NKAIN2: variants seen among roughly 807,000 people sequenced by gnomAD.
The protein encoded by NKAIN2 is sodium/potassium-transporting ATPase subunit beta-1-interacting protein 2.
Under a neutral mutation model 32.6 loss-of-function variants are expected in NKAIN2, and 14 were observed. The ratio of observed to expected loss-of-function variants is 0.43; its 90% confidence interval spans 0.28 to 0.67. NKAIN2 has a LOEUF of 0.67. NKAIN2 is among the 30% of genes least tolerant of loss of function. NKAIN2 has a pLI of 0.17. For missense variants in NKAIN2, 198 were observed against 258.3 expected, an observed-to-expected ratio of 0.77 and a Z score of 1.60; for synonymous variants, 80 against 87.2, an observed-to-expected ratio of 0.92 and a Z score of 0.46.
At chr6:124,621,595 G>A (rs1034309362) in intron 3 of NKAIN2, among the ~76,000 whole-genome samples, 1 of 152,148 alleles carries the variant, frequency 6.6e-6, no homozygotes, top group Non-Finnish European at 1.5e-5. Context: ...CTCTGCTCAG[G>A]TCAGAGACTG....
chr6:124,004,074 A>G (rs766170142), intron 1 of NKAIN2, among the ~76,000 whole-genome samples: 2 of 152,226 alleles, frequency 1.3e-5, no homozygotes, highest in Non-Finnish European at 2.9e-5. Context: ...AAGTAATAGC[A>G]TGTGCTAATT....
At chr6:124,540,949 T>TC (rs1178137710) in intron 3 of NKAIN2, among the ~76,000 whole-genome samples, 4 of 152,188 alleles carry the variant, frequency 2.6e-5, no homozygotes, top group Non-Finnish European at 5.9e-5. Context: ...GCTTAAAATA[T>TC]CCCCTTTTCA....
intron 1 of NKAIN2, among the ~76,000 whole-genome samples, chr6:124,092,489 A>T (rs986449299): frequency 2.6e-5 from 4 of 152,066 alleles, no homozygotes; most frequent in African/African-American, 9.7e-5. Flanking sequence ...GGAAATATTA[A>T]AAACTTTTTT....
At chr6:124,531,432 A>T (rs544151530) in intron 3 of NKAIN2, among the ~76,000 whole-genome samples, 1 of 152,250 alleles carries the variant, frequency 6.6e-6, no homozygotes, top group African/African-American at 2.4e-5. Flanking sequence ...TTAATGTACT[A>T]TTTAATTCAG....
intron 1 of NKAIN2, among the ~76,000 whole-genome samples, chr6:124,186,013 G>A (rs1054512969): frequency 6.6e-6 from 1 of 151,824 alleles, no homozygotes; most frequent in African/African-American, 2.4e-5. Context: ...GAAAACTGGG[G>A]GCTCCTACCT....
intron 3 of NKAIN2, among the ~76,000 whole-genome samples, chr6:124,505,057 G>T (rs530693195): frequency 6.6e-6 from 1 of 152,030 alleles, no homozygotes; most frequent in Non-Finnish European, 1.5e-5. Context: ...GAAAAGAAAG[G>T]CTTTATAAAT....
chr6:123,965,209 A>G (rs545839103), intron 1 of NKAIN2, among the ~76,000 whole-genome samples: 1 of 152,270 alleles, frequency 6.6e-6, no homozygotes, highest in South Asian at 2.1e-4. Flanking sequence ...GGAACCTAGA[A>G]GAGTCCACAG....
intron 5 of NKAIN2, among the ~76,000 whole-genome samples, chr6:124,802,605 C>G (rs1012836681): frequency 3.3e-5 from 5 of 152,188 alleles, no homozygotes; most frequent in African/African-American, 1.2e-4. Context: ...TTTCTCCACC[C>G]TGTTAGTTCT....
chr6:123,942,105 T>C (rs1319321827), intron 1 of NKAIN2, among the ~76,000 whole-genome samples: 1 of 152,010 alleles, frequency 6.6e-6, no homozygotes, highest in African/African-American at 2.4e-5. Context: ...TACGTATTGC[T>C]GATGAGTCCT....
At chr6:124,323,710 T>C (rs1199620014) in intron 2 of NKAIN2, among the ~76,000 whole-genome samples, 1 of 152,082 alleles carries the variant, frequency 6.6e-6, no homozygotes, top group Non-Finnish European at 1.5e-5. Flanking sequence ...TAAAACTTAA[T>C]ATTGGTACAG....
intron 1 of NKAIN2, among the ~76,000 whole-genome samples, chr6:124,181,048 A>T (rs1789422951): frequency 6.6e-6 from 1 of 152,138 alleles, no homozygotes; most frequent in Admixed American, 6.5e-5. Flanking sequence ...TGGACATCCA[A>T]GCATTTCCAT....
chr6:123,893,321 CT>C (rs1309899528), intron 1 of NKAIN2, among the ~76,000 whole-genome samples: 2 of 152,240 alleles, frequency 1.3e-5, no homozygotes, highest in East Asian at 3.9e-4. Context: ...CTGTCTCAGC[CT>C]CCCAAGTAGC....
chr6:124,452,810 A>G (rs1009455310), intron 3 of NKAIN2, among the ~76,000 whole-genome samples: 1 of 152,154 alleles, frequency 6.6e-6, no homozygotes, highest in African/African-American at 2.4e-5. Flanking sequence ...ACATTGTCAC[A>G]GAATTAATTG....
intron 2 of NKAIN2, among the ~76,000 whole-genome samples, chr6:124,303,951 G>A (rs1033483611): frequency 1.3e-5 from 2 of 152,156 alleles, no homozygotes; most frequent in Admixed American, 6.5e-5. Context: ...TATTGGGCTT[G>A]GGTAACCAAA....
chr6:123,883,183 C>T (rs568009391), intron 1 of NKAIN2, among the ~76,000 whole-genome samples: 6 of 152,068 alleles, frequency 3.9e-5, no homozygotes, highest in East Asian at 1.9e-4. Context: ...CTTGCTCTGT[C>T]GCCCAGGCTG....
At chr6:124,555,582 G>A (rs1158285552) in intron 3 of NKAIN2, among the ~76,000 whole-genome samples, 2 of 152,050 alleles carry the variant, frequency 1.3e-5, no homozygotes, top group Non-Finnish European at 2.9e-5. Context: ...TGTGACTCAC[G>A]AATCCTGTTT....
rs573715810 is a variant in NKAIN2, at chr6:124,399,941, AAAAC to A, written c.273+44597_273+44600del. Among the ~76,000 whole-genome samples the A allele has an allele frequency of 3.4e-4, 52 of 152,340 alleles. No homozygotes were observed. In the Middle Eastern group the frequency reaches 0.014, roughly 40 times the overall value. On this transcript the variant is annotated intron_variant, in intron 3 of 6. Transcript: ENST00000368417. Reference sequence around the variant, plus strand: ...GAATGATAAACATTTAGAGAAAAGAAAAACAAGGATGTTTTTACAGGAGCTTTAG... The same window carrying A: ...GAATGATAAACATTTAGAGAAAAGAAAAGGATGTTTTTACAGGAGCTTTAG...
chr6:124,410,103 G>A lies in NKAIN2; in HGVS notation c.273+54756G>A, dbSNP rs545146827. Among the ~76,000 whole-genome samples, 6 of 151,998 alleles carry A rather than the reference G, an allele frequency of 3.9e-5. No individual in the cohort carries two copies. The East Asian group carries it at 9.7e-4, about 24-fold the overall frequency. On this transcript the variant is annotated intron_variant, in intron 3 of 6. Transcript: ENST00000368417. ...CTCTCTTTTCTTCTTTATTAGTCTT[G>A]CTAGTGGTCTATCAATTTTGTTGAT...
rs562363540 is a variant in NKAIN2 at position 124,189,872 on chromosome 6, C to G, written c.55-93133C>G. ...TTCTCCCAACTCAGACATAGAAAAA[C>G]AGAATGTCAGGAACACAATGAGCCT... is the stretch of plus-strand genomic sequence containing the variant. On this transcript the variant is annotated intron_variant, in intron 1 of 6. Transcript: ENST00000368417. Among the ~76,000 whole-genome samples the G allele has an allele frequency of 2.0e-5, 3 of 152,252 alleles. No homozygotes were observed. In the East Asian group the frequency reaches 5.8e-4, roughly 29 times the overall value.
Sources: gnomAD v4.1 joint callset for allele counts (sites outside exome capture counted in the v4.1 genomes callset) on GRCh38, gnomAD v4.1.1 for gene constraint, MANE v1.5 for transcripts, NCBI Gene and HGNC (gene_info 2026-07-23, HGNC 2026-07-21) for gene names.